Variants in PDE1C observed in about 807,000 individuals in gnomAD.
The protein encoded by PDE1C is phosphodiesterase 1C.
In PDE1C, 62 loss-of-function variants were observed where a neutral mutation model predicts 93.1. That is an observed-to-expected ratio of 0.67 (90% confidence interval 0.54 to 0.82). The LOEUF (loss-of-function observed/expected upper bound fraction) is 0.82. PDE1C is among the 40% of genes least tolerant of loss of function. The pLI is 0.00. For synonymous variants in PDE1C, 325 were observed against 310.1 expected, an observed-to-expected ratio of 1.05 and a Z score of -0.50; for missense variants, 742 against 884.6, an observed-to-expected ratio of 0.84 and a Z score of 2.04.
chr7:31,648,909 A>G, the PDE1C span, among the ~76,000 whole-genome samples: 2 of 152,228 alleles, frequency 1.3e-5, no homozygotes, highest in African/African-American at 4.8e-5. Flanking sequence ...GACCACAGAC[A>G]AGTTAACTAG....
At chr7:32,067,615 C>T (rs1477363422) in intron 1 of PDE1C, among the ~76,000 whole-genome samples, 1 of 152,046 alleles carries the variant, frequency 6.6e-6, no homozygotes, top group Non-Finnish European at 1.5e-5. Context: ...AAGAGAAAGC[C>T]CACATGATCA....
the PDE1C span, among the ~76,000 whole-genome samples, chr7:31,641,001 C>A: frequency 6.6e-6 from 1 of 152,246 alleles, no homozygotes; most frequent in Admixed American, 6.5e-5. Context: ...ACTTTGGCCT[C>A]AGGCTGAGGT....
chr7:32,174,369 T>C (rs1275112535), intron 2 of PDE1C, among the ~76,000 whole-genome samples: 1 of 152,038 alleles, frequency 6.6e-6, no homozygotes, highest in Non-Finnish European at 1.5e-5. Context: ...CATAATAAAC[T>C]GGCAATGCAC....
intron 2 of PDE1C, among the ~76,000 whole-genome samples, chr7:31,883,838 C>A (rs1334472020): frequency 6.6e-6 from 1 of 152,174 alleles, no homozygotes; most frequent in Non-Finnish European, 1.5e-5. Flanking sequence ...CCACAATTAG[C>A]AGAAAATCAG....
chr7:31,868,989 C>T (rs1404118496), intron 6 of PDE1C, among the ~76,000 whole-genome samples: 3 of 151,836 alleles, frequency 2.0e-5, no homozygotes, highest in African/African-American at 7.3e-5. Flanking sequence ...CCCACACAAG[C>T]AAATGCAGAG....
chr7:32,380,785 C>T (rs1784519176), intron 1 of PDE1C, among the ~76,000 whole-genome samples: 1 of 152,136 alleles, frequency 6.6e-6, no homozygotes, highest in Admixed American at 6.5e-5. Flanking sequence ...TCCTTCTCAG[C>T]CTCTTGTGAG....
At chr7:31,656,148 C>A in the PDE1C span, 2 of 411,610 alleles carry the variant, frequency 4.9e-6, no homozygotes, top group Non-Finnish European at 6.5e-6. Context: ...TGTTAAAACA[C>A]TGAAAACCTC....
the PDE1C span, among the ~76,000 whole-genome samples, chr7:31,721,787 G>A: frequency 2.6e-5 from 4 of 152,210 alleles, no homozygotes; most frequent in Non-Finnish European, 5.9e-5. Flanking sequence ...CAGGCTAAAT[G>A]TCCAGCCACT....
intron 2 of PDE1C, among the ~76,000 whole-genome samples, chr7:31,902,524 TTGAAAAA>T (rs1429274809): frequency 2.0e-5 from 3 of 151,912 alleles, no homozygotes; most frequent in Admixed American, 1.3e-4. Context: ...TGCCAGAAAC[TTGAAAAA>T]TGTAGGTATC....
intron 3 of PDE1C, among the ~76,000 whole-genome samples, chr7:32,129,816 C>A (rs1046963525): frequency 6.6e-6 from 1 of 152,068 alleles, no homozygotes; most frequent in Non-Finnish European, 1.5e-5. Flanking sequence ...TTTTCTTCTA[C>A]TGAGTTAGGA....
intron 3 of PDE1C, among the ~76,000 whole-genome samples, chr7:32,116,384 C>T (rs1798984858): frequency 1.3e-5 from 2 of 152,128 alleles, no homozygotes; most frequent in Non-Finnish European, 2.9e-5. Flanking sequence ...AATACACCTG[C>T]TATTCTCGGG....
intron 3 of PDE1C, among the ~76,000 whole-genome samples, chr7:32,095,837 C>T (rs1357627683): frequency 6.6e-6 from 1 of 152,158 alleles, no homozygotes; most frequent in African/African-American, 2.4e-5. Context: ...CTGAACACTG[C>T]CTGCAGAATA....
At chr7:32,262,623 C>G (rs1413696478) in intron 1 of PDE1C, among the ~76,000 whole-genome samples, 1 of 152,168 alleles carries the variant, frequency 6.6e-6, no homozygotes, top group Admixed American at 6.5e-5. Flanking sequence ...CTGGGACATG[C>G]AGGTCCATGG....
intron 2 of PDE1C, among the ~76,000 whole-genome samples, chr7:32,202,353 C>T (rs575095305): frequency 1.3e-5 from 2 of 152,320 alleles, no homozygotes; most frequent in East Asian, 3.9e-4. Flanking sequence ...CAGTCCATCA[C>T]TCTGACCACA....
At chr7:31,969,581 T>A (rs1029772501) in intron 2 of PDE1C, among the ~76,000 whole-genome samples, 2 of 152,206 alleles carry the variant, frequency 1.3e-5, no homozygotes, top group Non-Finnish European at 2.9e-5. Context: ...GAAGTCAGTG[T>A]GGCGATTCCT....
At chr7:31,755,954 C>T (rs762066629) in intron 17 of PDE1C, among the ~76,000 whole-genome samples, 2 of 152,038 alleles carry the variant, frequency 1.3e-5, no homozygotes, top group Non-Finnish European at 2.9e-5. Flanking sequence ...TCACTGGAGG[C>T]CAGGAGTTTG....
At chr7:31,690,004 G>A in the PDE1C span, among the ~76,000 whole-genome samples, 1 of 152,292 alleles carries the variant, frequency 6.6e-6, no homozygotes, top group African/African-American at 2.4e-5. Flanking sequence ...GGAAGCATGT[G>A]TCAGTTTTGT....
chr7:31,902,802 T>C (rs1800145719), intron 2 of PDE1C, among the ~76,000 whole-genome samples: 1 of 151,136 alleles, frequency 6.6e-6, no homozygotes. Flanking sequence ...AATTATAATA[T>C]TGATATACTA....
chr7:32,093,582 C>T lies in PDE1C; in HGVS notation c.308+76203G>A, dbSNP rs565298134. Among the ~76,000 whole-genome samples, 9 of 152,346 alleles carry T rather than the reference C, an allele frequency of 5.9e-5. 1 individual carries two copies. The South Asian group carries it at 1.9e-3, about 32-fold the overall frequency. ...GAGCCTGGGTTGCACCATTTGCTGG[C>T]CCTGCTCATGCATTCCTCCCACAAA... On this transcript the variant is annotated intron_variant, in intron 3 of 18. Coordinates refer to the PDE1C transcript ENST00000396193.
Sources: allele counts gnomAD v4.1 joint callset (sites outside exome capture counted in the v4.1 genomes callset), GRCh38; gene constraint gnomAD v4.1.1; transcripts MANE v1.5; gene names NCBI Gene and HGNC (gene_info 2026-07-23, HGNC 2026-07-21).